Variants in GFRA2 observed in about 807,000 individuals in gnomAD.
The protein encoded by GFRA2 is GDNF family receptor alpha-2.
A neutral mutation model predicts 48.3 loss-of-function variants in GFRA2; 17 were observed. The observed-to-expected ratio is 0.35, with a 90% CI of 0.24 to 0.53. The LOEUF (loss-of-function observed/expected upper bound fraction) is 0.53, where lower values mean the gene tolerates loss of function less well. Among genes scored for constraint, GFRA2 ranks in the 20% least tolerant of loss-of-function variants. GFRA2 has a pLI of 0.93. For synonymous variants in GFRA2, 305 were observed against 257.2 expected (o/e 1.19, Z -1.78); for missense variants, 660 against 637.3 (o/e 1.04, Z -0.38).
intron 4 of GFRA2, among the ~76,000 whole-genome samples, chr8:21,742,653 C>T (rs1804807070): frequency 6.6e-6 from 1 of 152,152 alleles, no homozygotes; most frequent in South Asian, 2.1e-4. Flanking sequence ...GTGTGTCTGC[C>T]CCTGTGTGAA....
intron 6 of GFRA2, 35 bp from the exon 7 acceptor site, chr8:21,703,012 A>T: frequency 7.2e-7 from 1 of 1,382,188 alleles, no homozygotes; most frequent in Non-Finnish European, 9.6e-7. Flanking sequence ...CAGAGAAGTC[A>T]GAACCCACGT....
At chr8:21,753,409 G>A (rs1805393585) in intron 3 of GFRA2, among the ~76,000 whole-genome samples, 1 of 152,158 alleles carries the variant, frequency 6.6e-6, no homozygotes, top group Non-Finnish European at 1.5e-5. Flanking sequence ...GGAGTTCGAG[G>A]CCAGACTGGC....
At chr8:21,727,180 C>T (rs1415969319) in intron 4 of GFRA2, among the ~76,000 whole-genome samples, 1 of 152,192 alleles carries the variant, frequency 6.6e-6, no homozygotes, top group African/African-American at 2.4e-5. Context: ...ATCTCACTTC[C>T]CTCACCCCAG....
chr8:21,715,264 C>A (rs913312922), intron 4 of GFRA2, among the ~76,000 whole-genome samples: 13 of 152,176 alleles, frequency 8.5e-5, no homozygotes, highest in African/African-American at 3.1e-4. Flanking sequence ...CTGGGGTGGG[C>A]TGGGGAAGAG....
At chr8:21,714,769 C>A (rs1688622576) in intron 4 of GFRA2, among the ~76,000 whole-genome samples, 1 of 152,156 alleles carries the variant, frequency 6.6e-6, no homozygotes, top group Non-Finnish European at 1.5e-5. Context: ...GTCACACAAC[C>A]TGCAGCCAGC....
intron 4 of GFRA2, among the ~76,000 whole-genome samples, chr8:21,743,060 T>C (rs933166882): frequency 6.6e-6 from 1 of 152,194 alleles, no homozygotes; most frequent in Non-Finnish European, 1.5e-5. Context: ...TATTCCAGCC[T>C]TGTCTCAACA....
chr8:21,739,669 T>A (rs1804654743), intron 4 of GFRA2, among the ~76,000 whole-genome samples: 1 of 152,152 alleles, frequency 6.6e-6, no homozygotes, highest in Non-Finnish European at 1.5e-5. Context: ...CCCCTGGGGA[T>A]GCCCACGTGG....
At chr8:21,769,218 A>C in intron 3 of GFRA2, 1 of 980,616 alleles carries the variant, frequency 1.0e-6, no homozygotes, top group Non-Finnish European at 1.2e-6. Flanking sequence ...TGAACAAAAC[A>C]TGCTCCTCCG....
intron 2 of GFRA2, 84 bp downstream of exon 2, chr8:21,782,501 T>C: frequency 9.6e-7 from 1 of 1,046,186 alleles, no homozygotes; most frequent in Non-Finnish European, 1.4e-6. Context: ...CACCTAGTCC[T>C]CCCTCCTGAA....
intron 7 of GFRA2, among the ~76,000 whole-genome samples, chr8:21,699,620 T>C (rs181605830): frequency 2.6e-5 from 4 of 152,222 alleles, no homozygotes; most frequent in African/African-American, 9.6e-5. Flanking sequence ...ACTGCCCTGG[T>C]CCAGGCCCCA....
At chr8:21,708,650 C>T (rs1244912938) in intron 4 of GFRA2, among the ~76,000 whole-genome samples, 1 of 152,122 alleles carries the variant, frequency 6.6e-6, no homozygotes, top group Non-Finnish European at 1.5e-5. Flanking sequence ...GACTGGTGTC[C>T]TCATCAGAAG....
intron 3 of GFRA2, among the ~76,000 whole-genome samples, chr8:21,757,321 C>T (rs1033464774): frequency 6.6e-6 from 1 of 152,180 alleles, no homozygotes; most frequent in African/African-American, 2.4e-5. Context: ...ATTCCAGACA[C>T]TGGAAGCCCC....
intron 1 of GFRA2, among the ~76,000 whole-genome samples, chr8:21,807,876 C>G (rs1206899995): frequency 1.3e-5 from 2 of 152,204 alleles, no homozygotes; most frequent in African/African-American, 4.8e-5. Context: ...CTCCATCATG[C>G]CAATGCTAGA....
intron 4 of GFRA2, among the ~76,000 whole-genome samples, chr8:21,706,574 G>C (rs1417121887): frequency 2.6e-5 from 4 of 152,154 alleles, no homozygotes; most frequent in Non-Finnish European, 5.9e-5. Flanking sequence ...CCCTGGGTGA[G>C]ACATGCCACG....
chr8:21,788,856 T>C lies in GFRA2; in HGVS notation c.-697A>G, dbSNP rs926152573. Reference sequence around the variant, plus strand: ...CTCCTCTCCCTCGCTCGCTCTTTGCTCTCGCTCTCTCCAGCTCTCCCTCGC... The same window carrying C: ...CTCCTCTCCCTCGCTCGCTCTTTGCCCTCGCTCTCTCCAGCTCTCCCTCGC... On this transcript the variant is annotated 5_prime_UTR_variant, in exon 1 of 9. Coordinates refer to ENST00000524240, the MANE Select transcript of GFRA2 (RefSeq NM_001495.5). 5 of 935,494 alleles carry C rather than the reference T, an allele frequency of 5.3e-6. No individual in the cohort carries two copies. Among genetic ancestry groups the C allele is most frequent in the East Asian group, 2.3e-4 (2 of 8,566 alleles). 57.9% of individuals were successfully genotyped at this position (935,494 alleles called of 1,614,324 possible).
chr8:21,708,638 A>G (rs560497516), intron 4 of GFRA2, among the ~76,000 whole-genome samples: 7 of 152,324 alleles, frequency 4.6e-5, no homozygotes, highest in African/African-American at 1.7e-4. Context: ...CCTAAATCCA[A>G]TGACTGGTGT....
chr8:21,788,395 T>C lies in GFRA2; in HGVS notation c.-236A>G. 11 of 1,332,604 alleles carry C rather than the reference T, an allele frequency of 8.3e-6. No individual in the cohort carries two copies. The highest frequency in any genetic ancestry group is 1.1e-5 in the Non-Finnish European group (11 of 1,046,222). The allele number at this position is 1,332,604 out of a possible 1,614,324, so 82.5% of individuals were successfully genotyped here. On this transcript the variant is annotated 5_prime_UTR_variant, in exon 1 of 9. Coordinates refer to ENST00000524240, the MANE Select transcript of GFRA2 (RefSeq NM_001495.5). ...GCCTCTCGACGCCCCCCTTGCCCGC[T>C]ACAATCAAATATACGCGTATCTGTG...
chr8:21,755,973 C>T (rs28695462), intron 3 of GFRA2, among the ~76,000 whole-genome samples: 14,840 of 152,254 alleles, frequency 0.097, 2,207 homozygotes, highest in African/African-American at 0.32. Flanking sequence ...AGGTTCTCTC[C>T]CAGGCCAGCC....
intron 3 of GFRA2, among the ~76,000 whole-genome samples, chr8:21,752,159 T>C (rs1033884261): frequency 1.3e-5 from 2 of 152,004 alleles, no homozygotes; most frequent in African/African-American, 4.8e-5. Context: ...CCATCAGCTA[T>C]TACATCACCC....
Sources: allele counts gnomAD v4.1 joint callset (sites outside exome capture counted in the v4.1 genomes callset), GRCh38; gene constraint gnomAD v4.1.1; transcripts MANE v1.5; gene names NCBI Gene and HGNC (gene_info 2026-07-23, HGNC 2026-07-21).